TPP2: variants seen among roughly 807,000 people sequenced by gnomAD.
TPP2 encodes tripeptidyl peptidase 2, also known as tripeptidyl-peptidase 2.
A neutral mutation model predicts 155.9 loss-of-function variants in TPP2; 34 were observed. The ratio of observed to expected loss-of-function variants is 0.22; its 90% CI spans 0.17 to 0.29. The LOEUF is 0.29. TPP2 is among the 10% of genes least tolerant of loss of function. The pLI is 1.00. For synonymous variants in TPP2, 510 were observed against 529.4 expected (o/e 0.96, Z 0.50); for missense variants, 1,028 against 1,522.3 (o/e 0.68, Z 5.40).
rs34368820 is a variant in TPP2 at position 102,615,955 on chromosome 13, C to CTT, written c.391-429_391-428dup. ...ATGGCTTTATCTGCTTCATTAGAAA[C>CTT]TTTTTTTTTTTTTCTCTTTGAGACA... On this transcript the variant is annotated intron_variant, in intron 3 of 29. Transcript: ENST00000376052. Among the ~76,000 whole-genome samples the CTT allele has an allele frequency of 1.0e-2, 1,476 of 147,914 alleles. 7 individuals carry two copies. The highest frequency in any genetic ancestry group is 0.015 in the Non-Finnish European group (1,025 of 66,654).
At chr13:102,610,803 T>G (rs182324004) in intron 2 of TPP2, among the ~76,000 whole-genome samples, 151 of 152,020 alleles carry the variant, frequency 9.9e-4, no homozygotes, top group Admixed American at 3.8e-3. Context: ...TATACATACA[T>G]AAAATACATA....
intron 1 of TPP2, among the ~76,000 whole-genome samples, chr13:102,597,814 G>A (rs1457415354): frequency 6.6e-6 from 1 of 152,204 alleles, no homozygotes; most frequent in Non-Finnish European, 1.5e-5. Flanking sequence ...GTCCTCTTCC[G>A]GAATTGTTTC....
intron 27 of TPP2, among the ~76,000 whole-genome samples, chr13:102,666,140 C>T (rs1033569224): frequency 6.6e-6 from 1 of 152,108 alleles, no homozygotes; most frequent in Non-Finnish European, 1.5e-5. Context: ...GTCTTCCAAA[C>T]AACATGGAAG....
At chr13:102,597,339 G>T in intron 1 of TPP2, 136 bp downstream of exon 1, 1 of 478,960 alleles carries the variant, frequency 2.1e-6, no homozygotes, top group South Asian at 7.1e-5. Context: ...GCACCGGGGT[G>T]GGCAGAGGTC....
intron 25 of TPP2, among the ~76,000 whole-genome samples, chr13:102,661,716 T>G (rs1884243185): frequency 6.6e-6 from 1 of 152,086 alleles, no homozygotes; most frequent in Non-Finnish European, 1.5e-5. Context: ...CACATCAAAA[T>G]CACAATGAAA....
chr13:102,661,371 C>T (rs1316038506), intron 25 of TPP2, among the ~76,000 whole-genome samples: 1 of 151,440 alleles, frequency 6.6e-6, no homozygotes, highest in African/African-American at 2.4e-5. Flanking sequence ...CCACTTCAGC[C>T]TCCCAAGTAG....
At chr13:102,608,283 T>C (rs545955862) in intron 2 of TPP2, among the ~76,000 whole-genome samples, 8 of 152,208 alleles carry the variant, frequency 5.3e-5, no homozygotes, top group Non-Finnish European at 1.0e-4. Context: ...TAATATTTTT[T>C]ATTTCTTGAT....
intron 21 of TPP2, among the ~76,000 whole-genome samples, chr13:102,647,890 A>G (rs1883231789): frequency 6.6e-6 from 1 of 152,244 alleles, no homozygotes; most frequent in South Asian, 2.1e-4. Context: ...TATCCCTTAG[A>G]TATTACTGCA....
intron 5 of TPP2, among the ~76,000 whole-genome samples, chr13:102,619,895 G>A (rs1414196565): frequency 1.3e-5 from 2 of 152,184 alleles, no homozygotes; most frequent in African/African-American, 2.4e-5. Flanking sequence ...ACCATCTGGG[G>A]TAACATGATA....
chr13:102,646,995 C>T (rs187065392), intron 20 of TPP2, among the ~76,000 whole-genome samples: 14 of 152,266 alleles, frequency 9.2e-5, no homozygotes, highest in Admixed American at 2.6e-4. Flanking sequence ...AATGAATACA[C>T]ATAGCCAGGT....
At chr13:102,643,420 C>CT in intron 17 of TPP2, 44 bp downstream of exon 17, 2 of 1,523,272 alleles carry the variant, frequency 1.3e-6, no homozygotes, top group South Asian at 2.7e-5. Context: ...ATTTATTTGC[C>CT]TTTTTGGTAT....
At chr13:102,657,299 A>C (rs1037443172) in intron 25 of TPP2, 92 bp downstream of exon 25, 136 of 1,067,156 alleles carry the variant, frequency 1.3e-4, no homozygotes, top group Non-Finnish European at 1.6e-4. Flanking sequence ...GACCGTATTT[A>C]AAATTATTAA....
In TPP2 at chr13:102,648,943, C is replaced by T. The variant is rs1419487180; in HGVS notation, c.2665C>T (p.Arg889Ter). Reference sequence around the variant, plus strand: ...ACTGGAGAAAGGAGATTATACAATTCGACTACAGATTCGCCATGAGCAAAT... The same window carrying T: ...ACTGGAGAAAGGAGATTATACAATTTGACTACAGATTCGCCATGAGCAAAT... ...LKLEKGDYTI[R>*]LQIRHEQISD... The change falls in exon 22 of 30, where the codon CGA (arginine) becomes TGA (stop). Residue 889 changes from arginine to a stop codon, truncating the protein, a stop_gained. Transcript: ENST00000376052. LOFTEE classifies it high-confidence loss of function. 6.2e-7 allele frequency: 1 copy of T among 1,609,634 alleles called. No homozygotes were observed. Among genetic ancestry groups the T allele is most frequent in the Non-Finnish European group, 8.5e-7 (1 of 1,178,902 alleles).
chr13:102,660,415 A>C (rs573008302), intron 25 of TPP2, among the ~76,000 whole-genome samples: 4 of 139,596 alleles, frequency 2.9e-5, no homozygotes, highest in African/African-American at 1.1e-4. Context: ...TGAAAAAAAT[A>C]AAATGTGTAG....
rs186235670 is a variant in TPP2, at chr13:102,621,405, C to T, written c.621-1472C>T. ...ACGTCTGAACCAGTCTAGGAAGAAT[C>T]GAGAAAGATTTCCCAAAAGTATTAA... On this transcript the variant is annotated intron_variant, in intron 5 of 29. Transcript: ENST00000376052. Among the ~76,000 whole-genome samples, 23 of 152,166 alleles carry T rather than the reference C, an allele frequency of 1.5e-4. No homozygotes were observed. In the East Asian group the frequency reaches 4.4e-3, roughly 29 times the overall value.
At chr13:102,665,046 A>AGTATCCAAATAGTG in intron 27 of TPP2, 121 bp downstream of exon 27, 1 of 1,233,378 alleles carries the variant, frequency 8.1e-7, no homozygotes, top group Non-Finnish European at 1.1e-6. Context: ...TTATAATGGG[A>AGTATCCAAATAGTG]ATTATCACTA....
intron 15 of TPP2, among the ~76,000 whole-genome samples, chr13:102,638,917 C>A (rs1158338095): frequency 6.6e-6 from 1 of 152,208 alleles, no homozygotes; most frequent in African/African-American, 2.4e-5. Flanking sequence ...GCCAGTGTTT[C>A]CTGTCATTCC....
intron 2 of TPP2, among the ~76,000 whole-genome samples, chr13:102,606,377 G>C (rs867587652): frequency 1.3e-5 from 2 of 152,144 alleles, no homozygotes; most frequent in African/African-American, 4.8e-5. Context: ...ATTCCATGGG[G>C]TAGGAGTCCA....
At chr13:102,636,821 A>G (rs1274924248) in intron 13 of TPP2, among the ~76,000 whole-genome samples, 1 of 152,220 alleles carries the variant, frequency 6.6e-6, no homozygotes, top group Admixed American at 6.5e-5. Flanking sequence ...GTTGAATACT[A>G]TGACCTGTGT....
Sources: allele counts gnomAD v4.1 joint callset (sites outside exome capture counted in the v4.1 genomes callset), GRCh38; gene constraint gnomAD v4.1.1; transcripts MANE v1.5; gene names NCBI Gene and HGNC (gene_info 2026-07-23, HGNC 2026-07-21).